DEDD2: variants seen among roughly 807,000 people sequenced by gnomAD.
The protein encoded by DEDD2 is death effector domain containing 2, also known as DNA-binding death effector domain-containing protein 2.
A neutral mutation model predicts 28.9 loss-of-function variants in DEDD2; 18 were observed. The observed-to-expected ratio is 0.62, with a 90% CI of 0.43 to 0.92. DEDD2 has a LOEUF of 0.92. Among genes scored for constraint, DEDD2 ranks in the 40% least tolerant of loss-of-function variants. DEDD2 has a pLI of 0.00. For missense variants in DEDD2, 411 were observed against 463.3 expected (o/e 0.89, Z 1.04); for synonymous variants, 211 against 206.1 (o/e 1.02, Z -0.20).
upstream of DEDD2, chr19:42,220,132 G>A (rs1013770400): frequency 3.9e-5 from 6 of 152,262 alleles, no homozygotes; most frequent in African/African-American, 1.2e-4. Flanking sequence ...GAGCGACCCA[G>A]AGAAATGCGC....
intron 4 of DEDD2, among the ~76,000 whole-genome samples, chr19:42,208,925 T>C (rs1418903995): frequency 6.6e-6 from 1 of 152,208 alleles, no homozygotes; most frequent in Admixed American, 6.5e-5. Flanking sequence ...ATTATCAGCC[T>C]CACTTTACAG....
chr19:42,211,034 C>A (rs2035738922), intron 3 of DEDD2, among the ~76,000 whole-genome samples: 1 of 145,732 alleles, frequency 6.9e-6, no homozygotes, highest in Admixed American at 6.9e-5. Context: ...TGTGCCACTG[C>A]ACTCCAGCCA....
intron 3 of DEDD2, among the ~76,000 whole-genome samples, chr19:42,211,223 A>C (rs1464893336): frequency 6.6e-6 from 1 of 152,062 alleles, no homozygotes; most frequent in East Asian, 1.9e-4. Context: ...TATTAAAATA[A>C]AATGTAAAAA....
rs2303652 is a variant in DEDD2 at position 42,199,681 on chromosome 19, A to G, written c.738T>C (p.Ser246=). 176,364 of 1,614,026 alleles carry G rather than the reference A, an allele frequency of 0.11. 10,563 individuals are homozygous for G. The highest frequency in any genetic ancestry group is 0.22 in the Middle Eastern group (1,314 of 6,060). ...TAVLRSRDLG[S]VVCDIKFSEL... ...CTGAGAACTTGATGTCACAAACCAC[A>G]GAGCCCAGGTCCCTTGAGCGCAGCA... The change falls in exon 5 of 5, where the codon TCT becomes TCC. Residue 246 remains serine, a synonymous_variant. Transcript: ENST00000596251. This position sits in a 1 kb window ranked among gnomAD's most constrained non-coding sequence, Gnocchi z 7.4.
rs2035341892 is a variant in DEDD2, at chr19:42,201,820, AC to A, written c.590-1992del. 3.6e-5 allele frequency: 14 copies of A among 393,546 alleles called. No individual in the cohort carries two copies. The South Asian group carries it at 2.0e-3, about 56-fold the overall frequency. The allele number at this position is 393,546 out of a possible 1,614,324, so 24.4% of individuals were successfully genotyped here. A position where few individuals can be genotyped will look rare whatever the true frequency, so the allele number is the denominator to read the frequency against. ...ATGGCATTCAGACCCAGCTGTCTCT[AC>A]CCAGACGACCAGATCCTTGACTGCA... On this transcript the variant is annotated intron_variant, in intron 4 of 4. Coordinates refer to ENST00000596251, the MANE Select transcript of DEDD2 (RefSeq NM_133328.4).
In DEDD2 at chr19:42,216,813, G is replaced by A. The variant is rs1259111903; in HGVS notation, c.195C>T (p.Gly65=). The change falls in exon 2 of 5, where the codon GGC becomes GGT. Residue 65 remains glycine (G), a synonymous_variant. Coordinates refer to ENST00000596251, the MANE Select transcript of DEDD2 (RefSeq NM_133328.4). ...GCTCCAGCTCCAGCAGGAGCTCTAGGCCGCTGCGGGCCCGGGCTAAGCCTC... is the reference window on the plus strand; with the variant it reads ...GCTCCAGCTCCAGCAGGAGCTCTAGACCGCTGCGGGCCCGGGCTAAGCCTC... The part of the protein sequence containing the change: ...AAGGLARARS[G]LELLLELERR... 1 of 1,581,940 alleles carries A rather than the reference G, an allele frequency of 6.3e-7. No homozygotes were observed. Among genetic ancestry groups the A allele is most frequent in the African/African-American group, 1.3e-5 (1 of 74,124 alleles).
In DEDD2 at chr19:42,199,260, G is replaced by A. The variant is rs747072941; in HGVS notation, c.*178C>T. 46 of 960,288 alleles carry A rather than the reference G, an allele frequency of 4.8e-5. No individual in the cohort carries two copies. Among genetic ancestry groups the A allele is most frequent in the Middle Eastern group, 3.3e-4 (1 of 3,004 alleles). The allele number at this position is 960,288 out of a possible 1,614,324, so 59.5% of individuals were successfully genotyped here. On this transcript the variant is annotated 3_prime_UTR_variant, in exon 5 of 5. Coordinates refer to ENST00000596251, the MANE Select transcript of DEDD2 (RefSeq NM_133328.4). This position sits in a 1 kb window ranked among gnomAD's most constrained non-coding sequence, Gnocchi z 7.4. ...CTGGGAAGGAAACTCAGCTGGAAAT[G>A]GTTTAGGCCTCAGAGCCCACATCCT...
chr19:42,212,637 A>G (rs1158191284), intron 3 of DEDD2, among the ~76,000 whole-genome samples: 1 of 151,734 alleles, frequency 6.6e-6, no homozygotes, highest in East Asian at 2.0e-4. Flanking sequence ...GCTAATTTTT[A>G]TATTTTTTAT....
chr19:42,204,783 C>T (rs572318398), intron 4 of DEDD2, among the ~76,000 whole-genome samples: 1 of 146,318 alleles, frequency 6.8e-6, no homozygotes, highest in African/African-American at 2.5e-5. Flanking sequence ...CCAGGACCAG[C>T]ACCAGCCCCC....
chr19:42,204,002 G>T (rs80167532), intron 4 of DEDD2, among the ~76,000 whole-genome samples: 12,116 of 152,294 alleles, frequency 0.08, 671 homozygotes, highest in South Asian at 0.18. Context: ...GTCCCTGGGA[G>T]GGTGGGGGGC....
intron 1 of DEDD2, 49 bp from the exon 2 acceptor site, chr19:42,217,094 C>T: frequency 7.4e-7 from 1 of 1,350,526 alleles, no homozygotes; most frequent in South Asian, 1.3e-5. Flanking sequence ...ACGCGGAGGC[C>T]CGAACCCCAC....
intron 4 of DEDD2, chr19:42,202,044 A>G: frequency 5.0e-6 from 2 of 398,754 alleles, no homozygotes; most frequent in Non-Finnish European, 8.8e-6. Flanking sequence ...TGGGCATGTG[A>G]CCTTACCTCT....
At chr19:42,207,126 G>A (rs1276748824) in intron 4 of DEDD2, among the ~76,000 whole-genome samples, 1 of 152,108 alleles carries the variant, frequency 6.6e-6, no homozygotes, top group Non-Finnish European at 1.5e-5. Flanking sequence ...ATTCGAGGGG[G>A]AGTCACCACC....
At chr19:42,206,862 A>G (rs1414328859) in intron 4 of DEDD2, among the ~76,000 whole-genome samples, 4 of 152,144 alleles carry the variant, frequency 2.6e-5, no homozygotes, top group Non-Finnish European at 4.4e-5. Flanking sequence ...TCTAAAAAGT[A>G]AGCCATTCCA....
chr19:42,203,613 G>A (rs1271690315), intron 4 of DEDD2, among the ~76,000 whole-genome samples: 1 of 152,196 alleles, frequency 6.6e-6, no homozygotes, highest in Non-Finnish European at 1.5e-5. Flanking sequence ...TACCTCGGTG[G>A]CCTCCTGTGT....
chr19:42,209,749 C>T lies in DEDD2; in HGVS notation c.540G>A (p.Gln180=), dbSNP rs1366978396. The change falls in exon 4 of 5, where the codon CAG becomes CAA. Residue 180 remains glutamine, a synonymous_variant. Transcript: ENST00000596251. ...AAGGTCTGGCGGGCTCTGACTGCTGCTGGGGTGCGGCTGGGGCCCCTCTCC... is the reference window on the plus strand; with the variant it reads ...AAGGTCTGGCGGGCTCTGACTGCTGTTGGGGTGCGGCTGGGGCCCCTCTCC... The part of the protein sequence containing the change: ...RRRRGAPAAP[Q]QQSEPARPSS... The T allele has an allele frequency of 6.2e-7, 1 of 1,606,928 alleles. No homozygotes were observed. Among genetic ancestry groups the T allele is most frequent in the South Asian group, 1.1e-5 (1 of 90,622 alleles).
chr19:42,210,863 G>A (rs1290785670), intron 3 of DEDD2, among the ~76,000 whole-genome samples: 1 of 151,810 alleles, frequency 6.6e-6, no homozygotes, highest in Non-Finnish European at 1.5e-5. Flanking sequence ...GAGATCAGGA[G>A]TTCGAGACCA....
chr19:42,219,840 G>C (rs1445340205), upstream of DEDD2, among the ~76,000 whole-genome samples: 1 of 152,252 alleles, frequency 6.6e-6, no homozygotes, highest in Non-Finnish European at 1.5e-5. Flanking sequence ...GGCGCCTACA[G>C]TGTATGAGCG....
rs1188921968 is a variant in DEDD2 at position 42,199,954 on chromosome 19, A to T, written c.590-125T>A. On this transcript the variant is annotated intron_variant, in intron 4 of 4. Transcript: ENST00000596251. The surrounding 1 kb of genome is among the most constrained non-coding windows in gnomAD (Gnocchi z 7.4). ...TTCCGGTAGCCACACCCTAGTCCTG[A>T]CACAGCCTCCCCGGCTCTGTGGGGT... 7.2e-7 allele frequency: 1 copy of T among 1,389,268 alleles called. No individual in the cohort carries two copies. Among genetic ancestry groups the T allele is most frequent in the East Asian group, 2.5e-5 (1 of 39,526 alleles). 86.1% of individuals were successfully genotyped at this position (1,389,268 alleles called of 1,614,324 possible).
Sources: gnomAD v4.1 joint callset for allele counts (sites outside exome capture counted in the v4.1 genomes callset) on GRCh38, gnomAD v4.1.1 for gene constraint, Gnocchi (gnomAD v3.1) non-coding constraint, MANE v1.5 for transcripts, NCBI Gene and HGNC (gene_info 2026-07-23, HGNC 2026-07-21) for gene names.